EIF4G3: variants seen among roughly 807,000 people sequenced by gnomAD.
EIF4G3 encodes the protein eIF-4-gamma 3.
In EIF4G3, 34 loss-of-function variants were observed where a neutral mutation model predicts 186.4. The ratio of observed to expected loss-of-function variants is 0.18; its 90% CI spans 0.14 to 0.24. The LOEUF (loss-of-function observed/expected upper bound fraction) is 0.24, where lower values mean the gene tolerates loss of function less well. Ranked by LOEUF, EIF4G3 falls within the 10% of genes least tolerant of loss-of-function variation. EIF4G3 has a pLI of 1.00. For missense variants in EIF4G3, 1,536 were observed against 1,948.5 expected (o/e 0.79, Z 3.99); for synonymous variants, 673 against 679.5 (o/e 0.99, Z 0.15).
intron 20 of EIF4G3, among the ~76,000 whole-genome samples, chr1:20,869,683 G>A (rs2078603484): frequency 2.7e-5 from 4 of 150,670 alleles, no homozygotes; most frequent in Non-Finnish European, 5.9e-5. Flanking sequence ...GCTGAGGCAG[G>A]AGAATGGCTT....
chr1:21,039,283 A>G (rs2093423126), intron 4 of EIF4G3, among the ~76,000 whole-genome samples: 1 of 152,352 alleles, frequency 6.6e-6, no homozygotes, highest in East Asian at 1.9e-4. Context: ...TAAACCATAC[A>G]TAAAAATTAA....
intron 7 of EIF4G3, 40 bp downstream of exon 7, chr1:20,997,561 A>G (rs758090509): frequency 3.1e-5 from 48 of 1,539,522 alleles, no homozygotes; most frequent in Non-Finnish European, 4.2e-5. Flanking sequence ...GCCCCCATCT[A>G]TTAGTTAAGG....
chr1:20,815,644 G>T (rs2060462481), intron 34 of EIF4G3, among the ~76,000 whole-genome samples: 1 of 128,628 alleles, frequency 7.8e-6, no homozygotes, highest in African/African-American at 2.8e-5. Flanking sequence ...CGTCCGGGAG[G>T]GAGGTGGGGG....
At chr1:21,143,585 T>C (rs911028281) in intron 2 of EIF4G3, among the ~76,000 whole-genome samples, 4 of 152,204 alleles carry the variant, frequency 2.6e-5, no homozygotes, top group African/African-American at 9.7e-5. Flanking sequence ...AAGATACATT[T>C]ATTTCTTCTG....
intron 29 of EIF4G3, among the ~76,000 whole-genome samples, chr1:20,843,242 G>T (rs758448861): frequency 2.6e-5 from 4 of 152,032 alleles, no homozygotes; most frequent in South Asian, 4.1e-4. Flanking sequence ...CAGGCTGGAA[G>T]CGGTGGCTCA....
chr1:20,842,685 T>C (rs1252344346), intron 29 of EIF4G3, among the ~76,000 whole-genome samples: 3 of 151,858 alleles, frequency 2.0e-5, no homozygotes, highest in Non-Finnish European at 4.4e-5. Context: ...TTCTTATATA[T>C]GCTTTTAACC....
chr1:20,938,290 C>T (rs762950641), intron 14 of EIF4G3, among the ~76,000 whole-genome samples: 19 of 152,136 alleles, frequency 1.2e-4, no homozygotes, highest in African/African-American at 9.7e-5. Flanking sequence ...CCACCGCGCC[C>T]GGCCTCAACT....
intron 19 of EIF4G3, among the ~76,000 whole-genome samples, chr1:20,883,273 T>G (rs72652951): frequency 1.3e-5 from 2 of 152,056 alleles, no homozygotes; most frequent in Admixed American, 6.6e-5. Context: ...GAAAGGGGAA[T>G]AGTTTAGGTA....
At chr1:21,133,438 GCTGGTC>G (rs1278911408) in intron 2 of EIF4G3, among the ~76,000 whole-genome samples, 1 of 151,702 alleles carries the variant, frequency 6.6e-6, no homozygotes, top group African/African-American at 2.4e-5. Flanking sequence ...TATTGGCCAG[GCTGGTC>G]TCAAACTCCT....
intron 7 of EIF4G3, among the ~76,000 whole-genome samples, chr1:20,997,287 A>C (rs1018520156): frequency 3.3e-5 from 5 of 152,016 alleles, no homozygotes; most frequent in Non-Finnish European, 5.9e-5. Context: ...CTTACTACAA[A>C]TATCCACAAA....
At chr1:20,916,042 T>C (rs1347110549) in intron 14 of EIF4G3, among the ~76,000 whole-genome samples, 1 of 152,182 alleles carries the variant, frequency 6.6e-6, no homozygotes, top group Non-Finnish European at 1.5e-5. Flanking sequence ...AAAAATCTAT[T>C]ATATATTGTA....
At chr1:21,152,698 T>C (rs1453439377) in intron 2 of EIF4G3, among the ~76,000 whole-genome samples, 1 of 152,236 alleles carries the variant, frequency 6.6e-6, no homozygotes, top group East Asian at 1.9e-4. Flanking sequence ...TTTTATGCCA[T>C]ATAATAAAAT....
At chr1:21,010,010 T>C (rs2086528153) in intron 4 of EIF4G3, among the ~76,000 whole-genome samples, 1 of 152,126 alleles carries the variant, frequency 6.6e-6, no homozygotes, top group African/African-American at 2.4e-5. Context: ...CTGGGATAAT[T>C]ATAAATGTTC....
chr1:20,857,401 A>G lies in EIF4G3; in HGVS notation c.3339+2T>C, dbSNP rs1231414199. 6.2e-7 allele frequency: 1 copy of G among 1,612,100 alleles called. No homozygotes were observed. The highest frequency in any genetic ancestry group is 1.3e-5 in the African/African-American group (1 of 74,900). ...AAATTGTACTTTAAATGTCAGACTC[A>G]CCTTAGTGATTTTTAGGAATTTTGA... On this transcript the variant is annotated splice_donor_variant, in intron 25 of 36. Transcript: ENST00000602326. LOFTEE classifies it high-confidence loss of function.
intron 2 of EIF4G3, among the ~76,000 whole-genome samples, chr1:21,140,468 C>A (rs1231129053): frequency 6.6e-6 from 1 of 152,168 alleles, no homozygotes; most frequent in Non-Finnish European, 1.5e-5. Flanking sequence ...AATGCACCAC[C>A]ATGCATGGCT....
intron 14 of EIF4G3, among the ~76,000 whole-genome samples, chr1:20,934,555 C>T (rs1024335954): frequency 2.0e-5 from 3 of 151,924 alleles, no homozygotes; most frequent in African/African-American, 2.4e-5. Context: ...AAGAAGGAGA[C>T]GAGGTCATGT....
At chr1:20,978,765 G>A (rs1023774966) in intron 10 of EIF4G3, among the ~76,000 whole-genome samples, 1 of 151,476 alleles carries the variant, frequency 6.6e-6, no homozygotes. Context: ...TGTATTCCCT[G>A]AGGATAAGTG....
chr1:20,894,638 A>G (rs1339287349), intron 17 of EIF4G3, among the ~76,000 whole-genome samples: 1 of 152,308 alleles, frequency 6.6e-6, no homozygotes, highest in East Asian at 1.9e-4. Flanking sequence ...ATGAAACACT[A>G]GGCATAAATC....
chr1:20,971,464 A>G lies in EIF4G3; in HGVS notation c.591+1538T>C, dbSNP rs72652986. On this transcript the variant is annotated intron_variant, in intron 11 of 36. Transcript: ENST00000602326. ...TCTATTCATTTTTCTGCATTCTGAG[A>G]GTGTTCTTCAAGTCCAACTTCTATC... Among the ~76,000 whole-genome samples, 1,059 of 152,254 alleles carry G rather than the reference A, an allele frequency of 7.0e-3. 4 individuals are homozygous for G. The highest frequency in any genetic ancestry group is 0.017 in the Middle Eastern group (5 of 294).
Sources: gnomAD v4.1 joint callset for allele counts (sites outside exome capture counted in the v4.1 genomes callset) on GRCh38, gnomAD v4.1.1 for gene constraint, MANE v1.5 for transcripts, NCBI Gene and HGNC (gene_info 2026-07-23, HGNC 2026-07-21) for gene names.